Variants in IL1RL1 observed in about 807,000 individuals in gnomAD.
The protein encoded by IL1RL1 is interleukin 1 receptor like 1, also known as interleukin-1 receptor-like 1.
IL1RL1 carries 32 observed loss-of-function variants against 50.9 expected under a neutral mutation model. That is an observed-to-expected ratio of 0.63 (90% CI 0.47 to 0.84). The LOEUF (loss-of-function observed/expected upper bound fraction) is 0.84. IL1RL1 is among the 40% of genes least tolerant of loss of function. IL1RL1 has a pLI of 0.00. For synonymous variants in IL1RL1, 275 were observed against 236.0 expected, an observed-to-expected ratio of 1.17 and a Z score of -1.51; for missense variants, 773 against 662.9, an observed-to-expected ratio of 1.17 and a Z score of -1.82.
intron 1 of IL1RL1, among the ~76,000 whole-genome samples, chr2:102,315,896 T>C (rs1186900791): frequency 6.6e-6 from 1 of 152,222 alleles, no homozygotes; most frequent in African/African-American, 2.4e-5. Flanking sequence ...TGGGTTTGGT[T>C]CCTGCTTTCA....
intron 1 of IL1RL1, among the ~76,000 whole-genome samples, chr2:102,320,955 A>G (rs1439655684): frequency 6.6e-6 from 1 of 152,210 alleles, no homozygotes; most frequent in African/African-American, 2.4e-5. Flanking sequence ...AATAAAAGCC[A>G]AGGTGCTCAG....
intron 1 of IL1RL1, among the ~76,000 whole-genome samples, chr2:102,319,114 G>C (rs1676762467): frequency 6.6e-6 from 1 of 152,050 alleles, no homozygotes; most frequent in South Asian, 2.1e-4. Flanking sequence ...CTTATTAAAA[G>C]GTTTCAAAGG....
chr2:102,321,802 C>A (rs1321971779), intron 1 of IL1RL1, among the ~76,000 whole-genome samples: 1 of 152,084 alleles, frequency 6.6e-6, no homozygotes, highest in African/African-American at 2.4e-5. Context: ...CAATACATAG[C>A]AAATTTGAGA....
chr2:102,313,014 C>T (rs1348784439), intron 1 of IL1RL1: 1 of 151,972 alleles, frequency 6.6e-6, no homozygotes, highest in Non-Finnish European at 1.5e-5. Flanking sequence ...CCATTGTGGA[C>T]ATAATCATCT....
chr2:102,319,460 G>T (rs1349343260), intron 1 of IL1RL1, among the ~76,000 whole-genome samples: 1 of 152,096 alleles, frequency 6.6e-6, no homozygotes, highest in Non-Finnish European at 1.5e-5. Context: ...CAAAATGAAG[G>T]TAAATATTAG....
chr2:102,313,652 G>T (rs569837931), intron 1 of IL1RL1, among the ~76,000 whole-genome samples: 1 of 152,156 alleles, frequency 6.6e-6, no homozygotes, highest in African/African-American at 2.4e-5. Flanking sequence ...GGTTTTCTGG[G>T]AGTGCAGAGG....
At chr2:102,336,371 T>C (rs150618146) in intron 1 of IL1RL1, among the ~76,000 whole-genome samples, 297 of 152,312 alleles carry the variant, frequency 1.9e-3, no homozygotes, top group African/African-American at 6.5e-3. Flanking sequence ...AATTAATACA[T>C]GTAAATCACT....
chr2:102,343,465 G>C (rs1406632993), intron 8 of IL1RL1, 50 bp downstream of exon 8: 2 of 1,614,000 alleles, frequency 1.2e-6, no homozygotes, highest in Non-Finnish European at 1.7e-6. Flanking sequence ...TCTAGCAAGT[G>C]TAAGCAGAAT....
chr2:102,317,246 C>G (rs1308358205), intron 1 of IL1RL1, among the ~76,000 whole-genome samples: 1 of 151,844 alleles, frequency 6.6e-6, no homozygotes, highest in African/African-American at 2.4e-5. Flanking sequence ...CCCAGCTACT[C>G]GGGAGGCTGA....
At position 102,351,936 on chromosome 2, in the gene IL1RL1, T is replaced by G; in HGVS notation, c.*15T>G. ...AGAAGCAATAGTGCCTGCTGTGATG[T>G]GCAAAGGCATCTGAGTTTGAAGCTT... is the stretch of plus-strand genomic sequence containing the variant. On this transcript the variant is annotated 3_prime_UTR_variant, in exon 11 of 11. Coordinates refer to ENST00000233954, the MANE Select transcript of IL1RL1 (RefSeq NM_016232.5). 6.3e-7 allele frequency: 1 copy of G among 1,586,526 alleles called. No homozygotes were observed. Among genetic ancestry groups the G allele is most frequent in the East Asian group, 2.2e-5 (1 of 44,742 alleles).
chr2:102,346,724 C>T (rs111844430), intron 8 of IL1RL1, among the ~76,000 whole-genome samples: 5 of 152,152 alleles, frequency 3.3e-5, no homozygotes, highest in Admixed American at 2.6e-4. Flanking sequence ...ACTTTTTCCC[C>T]CCAATTTTGT....
intron 8 of IL1RL1, chr2:102,345,074 C>T (rs1677733113): frequency 3.2e-5 from 29 of 898,512 alleles, no homozygotes; most frequent in Non-Finnish European, 3.9e-5. Flanking sequence ...AGTGATCCTT[C>T]CTGGGTGCAG....
At chr2:102,311,899 ATATATG>A (rs1559591935) in intron 1 of IL1RL1, among the ~76,000 whole-genome samples, 174 of 16,642 alleles carry the variant, frequency 0.01, 1 homozygote, top group Admixed American at 0.012. Flanking sequence ...ATAATATATC[ATATATG>A]TTATATATTT....
At chr2:102,334,190 A>G (rs896011876) in intron 1 of IL1RL1, among the ~76,000 whole-genome samples, 83 of 152,358 alleles carry the variant, frequency 5.4e-4, no homozygotes, top group African/African-American at 2.0e-3. Context: ...ACTAATTGAC[A>G]TTCCCAGCAA....
Position 102,349,091 on chromosome 2 carries a change from A to G in IL1RL1, c.1130A>G (p.Tyr377Cys), listed in dbSNP as rs781184119. 32 of 1,613,412 alleles carry G rather than the reference A, an allele frequency of 2.0e-5. No homozygotes were observed. The highest frequency in any genetic ancestry group is 1.6e-4 in the South Asian group (15 of 91,070). Reference sequence around the variant, plus strand: ...TTTTCATTTTCAGATGGAAAGCTCTATGATGCTTATGTTGTCTACCCACGG... The same window carrying G: ...TTTTCATTTTCAGATGGAAAGCTCTGTGATGCTTATGTTGTCTACCCACGG... ...PYKTRNDGKL[Y>C]DAYVVYPRNY... The change falls in exon 10 of 11, where the codon TAT becomes TGT. Residue 377 changes from tyrosine to cysteine, a missense_variant. Coordinates refer to ENST00000233954, the MANE Select transcript of IL1RL1 (RefSeq NM_016232.5).
In IL1RL1 at chr2:102,326,906, G is replaced by A. The variant is rs577997196; in HGVS notation, c.-149-11210G>A. On this transcript the variant is annotated intron_variant, in intron 1 of 10. Coordinates refer to ENST00000233954, the MANE Select transcript of IL1RL1 (RefSeq NM_016232.5). ...TTAGACTCCCACACAATAATAATGG[G>A]AGACTTTAACACCCCACTGGAAACA... 1.1e-4 allele frequency among the ~76,000 whole-genome samples: 17 copies of A among 152,218 alleles called. No individual in the cohort carries two copies. The East Asian group carries it at 3.1e-3, about 28-fold the overall frequency.
chr2:102,344,842 C>A (rs1677722182), intron 8 of IL1RL1: 1 of 953,524 alleles, frequency 1.0e-6, no homozygotes, highest in Non-Finnish European at 1.2e-6. Context: ...CTTTCCTCAT[C>A]ATTTGGAAAG....
At chr2:102,313,959 G>A (rs1288667666) in intron 1 of IL1RL1, among the ~76,000 whole-genome samples, 1 of 152,214 alleles carries the variant, frequency 6.6e-6, no homozygotes, top group Non-Finnish European at 1.5e-5. Context: ...CCAAGAAAGA[G>A]AAAGGAAAGG....
intron 1 of IL1RL1, among the ~76,000 whole-genome samples, chr2:102,325,563 G>A (rs1447804775): frequency 1.3e-5 from 2 of 152,080 alleles, no homozygotes; most frequent in African/African-American, 4.8e-5. Context: ...CGAGCTAAAG[G>A]AGGAAGTTCG....
Sources: gnomAD v4.1 joint callset for allele counts (sites outside exome capture counted in the v4.1 genomes callset) on GRCh38, gnomAD v4.1.1 for gene constraint, MANE v1.5 for transcripts, NCBI Gene and HGNC (gene_info 2026-07-23, HGNC 2026-07-21) for gene names.